ANKRD62: variants seen among roughly 807,000 people sequenced by gnomAD.
ANKRD62 encodes ankyrin repeat domain-containing protein 62.
A neutral mutation model predicts 98.8 loss-of-function variants in ANKRD62; 61 were observed. That is an observed-to-expected ratio of 0.62 (90% CI 0.50 to 0.76). The LOEUF is 0.76. Among genes scored for constraint, ANKRD62 ranks in the 30% least tolerant of loss-of-function variants. The pLI is 0.00. For missense variants in ANKRD62, 933 were observed against 1,082.9 expected, an observed-to-expected ratio of 0.86 and a Z score of 1.94; for synonymous variants, 341 against 367.9, an observed-to-expected ratio of 0.93 and a Z score of 0.84.
At position 12,095,188 on chromosome 18, in the gene ANKRD62, C is replaced by T. The variant is rs1161230172; in HGVS notation, c.236C>T (p.Ala79Val). Reference protein sequence around the residue: ...DKKNRTALLLACAHGRPGVVA... With the variant: ...DKKNRTALLLVCAHGRPGVVA... ...TCTCACAGGACTGCTCTACTTTTGG[C>T]GTGTGCCCATGGCCGTCCAGGAGTG... Residue 79 changes from alanine (A) to valine (V), a missense_variant, in exon 2 of 14, where the codon GCG becomes GTG. Physicochemically the swap from Ala to Val is moderately conservative, Grantham distance 64. Transcript: ENST00000587848. 11 of 1,536,546 alleles carry T rather than the reference C, an allele frequency of 7.2e-6. No homozygotes were observed. The highest frequency in any genetic ancestry group is 2.4e-5 in the East Asian group (1 of 40,924).
At chr18:12,106,799 AG>A (rs968759021) in intron 7 of ANKRD62, among the ~76,000 whole-genome samples, 8 of 152,144 alleles carry the variant, frequency 5.3e-5, no homozygotes, top group Non-Finnish European at 8.8e-5. Flanking sequence ...ATCCAAAGGG[AG>A]AAAGTAAAAT....
chr18:12,115,237 C>A, intron 9 of ANKRD62, 116 bp downstream of exon 9: 1 of 1,280,838 alleles, frequency 7.8e-7, no homozygotes, highest in African/African-American at 1.5e-5. Context: ...CAGCGGTAAC[C>A]ATTCATAAAA....
At chr18:12,177,470 T>C in the ANKRD62 span, among the ~76,000 whole-genome samples, 1 of 152,146 alleles carries the variant, frequency 6.6e-6, no homozygotes, top group South Asian at 2.1e-4. Context: ...GGGTGGCAGC[T>C]ATGACATCAG....
the ANKRD62 span, among the ~76,000 whole-genome samples, chr18:12,168,819 T>C: frequency 6.6e-6 from 1 of 152,224 alleles, no homozygotes; most frequent in Admixed American, 6.5e-5. Context: ...GTTGAGCAGT[T>C]GTTTGTAGTT....
At chr18:12,105,604 C>T (rs8093087) in intron 7 of ANKRD62, among the ~76,000 whole-genome samples, 36,537 of 152,032 alleles carry the variant, frequency 0.24, 4,635 homozygotes, top group Middle Eastern at 0.33. Context: ...TGCTGCCACT[C>T]GTTTTTTTTC....
At chr18:12,112,091 A>G (rs1909553331) in intron 8 of ANKRD62, among the ~76,000 whole-genome samples, 1 of 144,604 alleles carries the variant, frequency 6.9e-6, no homozygotes, top group Admixed American at 7.1e-5. Flanking sequence ...GCCCAGGCCG[A>G]CAACAGCAAG....
At chr18:12,158,577 G>A in the ANKRD62 span, among the ~76,000 whole-genome samples, 2 of 151,754 alleles carry the variant, frequency 1.3e-5, no homozygotes, top group Admixed American at 6.6e-5. Flanking sequence ...CCTGGCTGGA[G>A]TGCAGTGGTG....
At chr18:12,103,252 T>C (rs1438851612) in intron 7 of ANKRD62, 24 bp downstream of exon 7, 3 of 1,306,970 alleles carry the variant, frequency 2.3e-6, no homozygotes, top group Non-Finnish European at 3.0e-6. Flanking sequence ...TAATTTCAAA[T>C]TTCTGGTTTT....
the ANKRD62 span, among the ~76,000 whole-genome samples, chr18:12,145,522 C>A: frequency 6.6e-6 from 1 of 150,768 alleles, no homozygotes; most frequent in Non-Finnish European, 1.5e-5. Flanking sequence ...GGATGGGGTC[C>A]CCCAGCACAT....
At chr18:12,175,563 A>T in the ANKRD62 span, among the ~76,000 whole-genome samples, 1 of 151,552 alleles carries the variant, frequency 6.6e-6, no homozygotes, top group African/African-American at 2.4e-5. Context: ...GTGCTTTGCC[A>T]TGGGGGCCTC....
intron 1 of ANKRD62, 106 bp from the exon 2 acceptor site, chr18:12,095,065 G>A: frequency 3.6e-6 from 3 of 840,900 alleles, no homozygotes; most frequent in Non-Finnish European, 5.7e-6. Flanking sequence ...TATTTGTTCT[G>A]AAGGCAGAGG....
intron 10 of ANKRD62, among the ~76,000 whole-genome samples, chr18:12,121,091 C>T (rs879747126): frequency 6.6e-6 from 1 of 152,122 alleles, no homozygotes; most frequent in Non-Finnish European, 1.5e-5. Flanking sequence ...GACAAATTTA[C>T]GATTGTGATC....
chr18:12,178,138 G>A, the ANKRD62 span, among the ~76,000 whole-genome samples: 3 of 151,602 alleles, frequency 2.0e-5, no homozygotes, highest in Non-Finnish European at 2.9e-5. Context: ...ACCCAAATTT[G>A]AGAGGCCAGG....
At chr18:12,167,830 G>T in the ANKRD62 span, among the ~76,000 whole-genome samples, 1 of 152,180 alleles carries the variant, frequency 6.6e-6, no homozygotes, top group Admixed American at 6.5e-5. Context: ...ATTCTAACTG[G>T]TGTGAGATGG....
the ANKRD62 span, among the ~76,000 whole-genome samples, chr18:12,158,450 T>G: frequency 6.6e-6 from 1 of 152,268 alleles, no homozygotes. Context: ...ATGTGCAACC[T>G]GAAAAGATAT....
At chr18:12,144,869 C>T in the ANKRD62 span, among the ~76,000 whole-genome samples, 1 of 118,998 alleles carries the variant, frequency 8.4e-6, no homozygotes, top group Non-Finnish European at 1.8e-5. Flanking sequence ...CTGGGCTGGG[C>T]ACGGTGGCTC....
the ANKRD62 span, among the ~76,000 whole-genome samples, chr18:12,162,067 G>A: frequency 1.3e-5 from 2 of 151,992 alleles, no homozygotes; most frequent in African/African-American, 2.4e-5. Flanking sequence ...GGATCATATG[G>A]AAGATCTAGT....
chr18:12,094,167 T>C lies in ANKRD62; in HGVS notation c.150T>C (p.Asp50=), dbSNP rs1387822123. ...TCCACAAAGCTGCCATCGCAGGTGA[T>C]GTGAACAAGGTGATGGAGAGCATCT... ...GMIHKAAIAG[D]VNKVMESILL... The change falls in exon 1 of 14, where the codon GAT becomes GAC. Residue 50 remains aspartate (D), a synonymous_variant. Coordinates refer to ENST00000587848, the MANE Select transcript of ANKRD62 (RefSeq NM_001277333.2). 1.3e-6 allele frequency: 2 copies of C among 1,532,482 alleles called. No individual in the cohort carries two copies. Among genetic ancestry groups the C allele is most frequent in the South Asian group, 2.4e-5 (2 of 83,766 alleles). The allele number at this position is 1,532,482 out of a possible 1,614,324, so 94.9% of individuals were successfully genotyped here.
chr18:12,126,005 A>G lies in ANKRD62; in HGVS notation c.2184A>G (p.Lys728=). The change falls in exon 13 of 14, where the codon AAA becomes AAG. Residue 728 remains lysine, a synonymous_variant. Coordinates refer to ENST00000587848, the MANE Select transcript of ANKRD62 (RefSeq NM_001277333.2). ...TELHYEREAL[K]EKTLHIEHMQ... ...TCCATTATGAAAGAGAGGCTCTCAA[A>G]GAAAAGACGTTGCATATAGAACACA... 1.3e-6 allele frequency: 2 copies of G among 1,536,708 alleles called. No homozygotes were observed. Among genetic ancestry groups the G allele is most frequent in the Non-Finnish European group, 1.7e-6 (2 of 1,146,930 alleles).
Sources: allele counts gnomAD v4.1 joint callset (sites outside exome capture counted in the v4.1 genomes callset), GRCh38; gene constraint gnomAD v4.1.1; transcripts MANE v1.5; gene names NCBI Gene and HGNC (gene_info 2026-07-23, HGNC 2026-07-21).